The following NRXN3 variants were observed in gnomAD, a reference collection of about 807,000 sequenced individuals.
NRXN3 encodes neurexin 3, also known as neurexin III.
In NRXN3, 32 loss-of-function variants were observed where a neutral mutation model predicts 137.6. The ratio of observed to expected loss-of-function variants is 0.23; its 90% CI spans 0.18 to 0.31. The LOEUF (loss-of-function observed/expected upper bound fraction) is 0.31. Among genes scored for constraint, NRXN3 ranks in the 10% least tolerant of loss-of-function variants. NRXN3 has a pLI of 1.00. For missense variants in NRXN3, 1,574 were observed against 2,062.5 expected, an observed-to-expected ratio of 0.76 and a Z score of 4.59; for synonymous variants, 798 against 784.5, an observed-to-expected ratio of 1.02 and a Z score of -0.29.
At chr14:78,396,230 T>A (rs1412170523) in intron 4 of NRXN3, among the ~76,000 whole-genome samples, 1 of 152,052 alleles carries the variant, frequency 6.6e-6, no homozygotes, top group Non-Finnish European at 1.5e-5. Context: ...TAACTGTCCA[T>A]GTGAAGTGTG....
intron 16 of NRXN3, among the ~76,000 whole-genome samples, chr14:79,479,441 C>G (rs2096587712): frequency 1.3e-5 from 2 of 151,898 alleles, no homozygotes; most frequent in Admixed American, 1.3e-4. Context: ...GAAAAGAGGA[C>G]TTAGACTTAA....
chr14:78,957,233 C>T lies in NRXN3; in HGVS notation c.2276-9C>T. On this transcript the variant is annotated splice_polypyrimidine_tract_variant and intron_variant, in intron 10 of 20. Coordinates refer to ENST00000335750, the MANE Select transcript of NRXN3 (RefSeq NM_001330195.2). ...TGATTCTAACTTTGGCACTTACTAC[C>T]ATCCTTAGGCAAAGGACCAGAGACC... The T allele has an allele frequency of 6.2e-7, 1 of 1,612,992 alleles. No individual in the cohort carries two copies. The highest frequency in any genetic ancestry group is 8.5e-7 in the Non-Finnish European group (1 of 1,179,510).
rs370862037 is a variant in NRXN3 at position 78,630,597 on chromosome 14, C to CTTTTTTTTTTTTTTT, written c.758-14521_758-14507dup. ...TCTTCTTATTTTTCTTTCTTTCTTTCTTTTTTTTTTTTTTTTGTTGTTTTT... is the reference window on the plus strand; with the variant it reads ...TCTTCTTATTTTTCTTTCTTTCTTTCTTTTTTTTTTTTTTTTTTTTTTTTTTTTTTTGTTGTTTTT... On this transcript the variant is annotated intron_variant, in intron 4 of 20. Transcript: ENST00000335750. 4.7e-5 allele frequency among the ~76,000 whole-genome samples: 6 copies of CTTTTTTTTTTTTTTT among 127,840 alleles called. No homozygotes were observed. The East Asian group carries it at 6.4e-4, about 14-fold the overall frequency. The allele number at this position is 127,840 out of a possible 152,430, so 83.9% of individuals were successfully genotyped here. A position where few individuals can be genotyped will look rare whatever the true frequency, so the allele number is the denominator to read the frequency against.
At chr14:78,886,686 A>G (rs2099144766) in intron 10 of NRXN3, among the ~76,000 whole-genome samples, 1 of 152,154 alleles carries the variant, frequency 6.6e-6, no homozygotes. Context: ...AATATTTAAC[A>G]GTCTTATGAA....
intron 15 of NRXN3, among the ~76,000 whole-genome samples, chr14:79,129,113 C>T (rs538909257): frequency 1.3e-5 from 2 of 151,950 alleles, no homozygotes; most frequent in Admixed American, 6.5e-5. Flanking sequence ...TTTTGTTGAT[C>T]CTTTCAAAAA....
At chr14:79,519,458 T>C (rs1036150816) in intron 16 of NRXN3, among the ~76,000 whole-genome samples, 2 of 152,110 alleles carry the variant, frequency 1.3e-5, no homozygotes, top group African/African-American at 4.8e-5. Context: ...CTTAAACATA[T>C]TTTATGTTTG....
chr14:78,247,931 A>C (rs1333856924), intron 2 of NRXN3, among the ~76,000 whole-genome samples: 1 of 152,248 alleles, frequency 6.6e-6, no homozygotes, highest in Non-Finnish European at 1.5e-5. Flanking sequence ...GAGTTCATTT[A>C]GCATGAAGTC....
At position 78,388,946 on chromosome 14, in the gene NRXN3, T is replaced by TA. The variant is rs1313573038; in HGVS notation, c.757+91089dup. On this transcript the variant is annotated intron_variant, in intron 4 of 20. Transcript: ENST00000335750. ...AACTTATTTCTATTTTTTTCTGTTA[T>TA]AAATAATGCTGTGATGTATATATGA... Among the ~76,000 whole-genome samples the TA allele has an allele frequency of 2.0e-5, 3 of 152,260 alleles. No homozygotes were observed. In the East Asian group the frequency reaches 5.8e-4, roughly 29 times the overall value.
chr14:79,703,948 C>T (rs2098765549), intron 19 of NRXN3, among the ~76,000 whole-genome samples: 1 of 152,096 alleles, frequency 6.6e-6, no homozygotes, highest in Admixed American at 6.6e-5. Flanking sequence ...TAGAGCTTAG[C>T]CTTCCTGTGG....
chr14:79,126,813 T>G (rs1209511000), intron 15 of NRXN3, among the ~76,000 whole-genome samples: 1 of 152,170 alleles, frequency 6.6e-6, no homozygotes, highest in African/African-American at 2.4e-5. Context: ...TCTTCCTATT[T>G]CTCCACATCC....
chr14:78,958,951 T>C (rs895577994), intron 11 of NRXN3, among the ~76,000 whole-genome samples: 1 of 152,238 alleles, frequency 6.6e-6, no homozygotes, highest in Non-Finnish European at 1.5e-5. Context: ...TAAAATATTT[T>C]ATGCCTTTGA....
At chr14:78,221,783 G>A (rs1012370092) in intron 1 of NRXN3, among the ~76,000 whole-genome samples, 18 of 152,158 alleles carry the variant, frequency 1.2e-4, no homozygotes, top group African/African-American at 3.9e-4. Context: ...GAACAGGCAT[G>A]CTTATCTCAT....
intron 15 of NRXN3, among the ~76,000 whole-genome samples, chr14:79,231,235 C>T (rs1227273925): frequency 2.0e-5 from 3 of 152,048 alleles, no homozygotes; most frequent in African/African-American, 7.2e-5. Flanking sequence ...TACCCTGAGG[C>T]TAAAGAGAGC....
At chr14:79,788,022 A>G (rs922669043) in intron 19 of NRXN3, among the ~76,000 whole-genome samples, 5 of 152,150 alleles carry the variant, frequency 3.3e-5, no homozygotes, top group Admixed American at 2.6e-4. Context: ...TGGCTAATTT[A>G]TAAAGGAAAG....
At chr14:78,378,146 A>G (rs547207817) in intron 4 of NRXN3, among the ~76,000 whole-genome samples, 64 of 152,324 alleles carry the variant, frequency 4.2e-4, no homozygotes, top group South Asian at 2.3e-3. Context: ...TAGACACTAT[A>G]CAAGAGACTT....
At chr14:78,709,790 G>T (rs12147248) in intron 7 of NRXN3, 135 bp downstream of exon 7, 514,916 of 757,302 alleles carry the variant, frequency 0.68, 183,297 homozygotes, top group East Asian at 0.77. Context: ...AATGGCTGTT[G>T]TAAAATTATG....
At chr14:79,774,385 C>G (rs902397929) in intron 19 of NRXN3, among the ~76,000 whole-genome samples, 8 of 152,132 alleles carry the variant, frequency 5.3e-5, no homozygotes, top group Non-Finnish European at 7.4e-5. Context: ...TTATGGCGAC[C>G]TTGCTTACCC....
intron 15 of NRXN3, among the ~76,000 whole-genome samples, chr14:79,137,708 CT>C (rs2058384485): frequency 6.6e-6 from 1 of 152,060 alleles, no homozygotes; most frequent in Admixed American, 6.5e-5. Context: ...AGGCTTAGAC[CT>C]TTTACCAGGA....
chr14:78,223,575 T>C (rs1596071768), intron 1 of NRXN3, among the ~76,000 whole-genome samples: 2 of 152,322 alleles, frequency 1.3e-5, no homozygotes, highest in East Asian at 3.9e-4. Flanking sequence ...TTTGTTCTGA[T>C]GATGTTGGAG....
Sources: allele counts gnomAD v4.1 joint callset (sites outside exome capture counted in the v4.1 genomes callset), GRCh38; gene constraint gnomAD v4.1.1; transcripts MANE v1.5; gene names NCBI Gene and HGNC (gene_info 2026-07-23, HGNC 2026-07-21).